Variants in PRKN observed in about 807,000 individuals in gnomAD.
The protein encoded by PRKN is E3 ubiquitin-protein ligase parkin.
In PRKN, 56 loss-of-function variants were observed where a neutral mutation model predicts 59.5. The observed-to-expected ratio is 0.94, with a 90% CI of 0.76 to 1.18. The LOEUF is 1.18. PRKN is among the 50% of genes most tolerant of loss of function. PRKN has a pLI of 0.00. For synonymous variants in PRKN, 250 were observed against 222.1 expected, an observed-to-expected ratio of 1.13 and a Z score of -1.12; for missense variants, 657 against 596.4, an observed-to-expected ratio of 1.10 and a Z score of -1.06.
chr6:162,377,350 G>A (rs762746637), intron 2 of PRKN, among the ~76,000 whole-genome samples: 1 of 152,154 alleles, frequency 6.6e-6, no homozygotes, highest in Non-Finnish European at 1.5e-5. Context: ...CACTTCAGAG[G>A]ACTGGCCAAG....
At chr6:162,086,970 A>G (rs937179587) in intron 4 of PRKN, among the ~76,000 whole-genome samples, 2 of 152,238 alleles carry the variant, frequency 1.3e-5, no homozygotes, top group African/African-American at 4.8e-5. Flanking sequence ...TAATACAAAT[A>G]TGAAAATACA....
chr6:162,267,002 A>G (rs923261300), intron 2 of PRKN, among the ~76,000 whole-genome samples: 16 of 152,156 alleles, frequency 1.1e-4, no homozygotes, highest in African/African-American at 3.9e-4. Flanking sequence ...AATAATTCCT[A>G]TATCACCATA....
At chr6:162,656,416 C>T (rs536138892) in intron 1 of PRKN, among the ~76,000 whole-genome samples, 73 of 152,314 alleles carry the variant, frequency 4.8e-4, no homozygotes, top group African/African-American at 1.7e-3. Flanking sequence ...ATCTCATCTT[C>T]TCCCAGAAAT....
At chr6:162,546,100 G>GTTT (rs11396761) in intron 1 of PRKN, among the ~76,000 whole-genome samples, 1,770 of 116,598 alleles carry the variant, frequency 0.015, 111 homozygotes, top group African/African-American at 0.042. Flanking sequence ...AGTGTATGCA[G>GTTT]TTTTTTTTTT....
intron 6 of PRKN, among the ~76,000 whole-genome samples, chr6:161,849,856 C>T (rs1793352596): frequency 6.6e-6 from 1 of 152,150 alleles, no homozygotes; most frequent in Non-Finnish European, 1.5e-5. Flanking sequence ...CAGTCCAGAC[C>T]TCTGTCAATT....
chr6:161,768,988 T>C (rs1789546708), intron 7 of PRKN, among the ~76,000 whole-genome samples: 1 of 152,226 alleles, frequency 6.6e-6, no homozygotes, highest in Admixed American at 6.5e-5. Flanking sequence ...GCAATAGATC[T>C]AATATAAGAA....
At chr6:161,491,408 G>C (rs1296972760) in intron 9 of PRKN, among the ~76,000 whole-genome samples, 1 of 152,138 alleles carries the variant, frequency 6.6e-6, no homozygotes, top group African/African-American at 2.4e-5. Flanking sequence ...TCGTTTGTTG[G>C]GTTGTTCTTG....
intron 3 of PRKN, among the ~76,000 whole-genome samples, chr6:162,205,450 T>G (rs1358139253): frequency 6.6e-6 from 1 of 152,068 alleles, no homozygotes; most frequent in African/African-American, 2.4e-5. Flanking sequence ...AATGGAAACT[T>G]TTCATTAACC....
At position 162,338,904 on chromosome 6, in the gene PRKN, G is replaced by A. The variant is rs1280953595; in HGVS notation, c.172-76139C>T. Reference sequence around the variant, plus strand: ...ATGTGGGGAGCGCCTCTGCCCCGCCGCCCCATCTGGGATGTGAGGAGCGCC... The same window carrying A: ...ATGTGGGGAGCGCCTCTGCCCCGCCACCCCATCTGGGATGTGAGGAGCGCC... On this transcript the variant is annotated intron_variant, in intron 2 of 11. Transcript: ENST00000366898. Among the ~76,000 whole-genome samples the A allele has an allele frequency of 3.7e-4, 52 of 139,922 alleles. No homozygotes were observed. In the South Asian group the frequency reaches 8.9e-3, roughly 24 times the overall value. The allele number at this position is 139,922 out of a possible 152,430, so 91.8% of individuals were successfully genotyped here.
At chr6:161,392,843 T>C (rs1786575577) in intron 9 of PRKN, among the ~76,000 whole-genome samples, 1 of 152,146 alleles carries the variant, frequency 6.6e-6, no homozygotes, top group Admixed American at 6.5e-5. Flanking sequence ...AGCTAAACTA[T>C]TCTTAACATT....
intron 6 of PRKN, among the ~76,000 whole-genome samples, chr6:161,904,814 G>A (rs1006529716): frequency 1.3e-5 from 2 of 152,080 alleles, no homozygotes; most frequent in African/African-American, 2.4e-5. Flanking sequence ...TGCAGAGGCC[G>A]AGCTGCAGAG....
At chr6:162,653,725 T>G (rs534824669) in intron 1 of PRKN, among the ~76,000 whole-genome samples, 144 of 152,276 alleles carry the variant, frequency 9.5e-4, no homozygotes, top group Non-Finnish European at 1.6e-3. Context: ...ACTGTGAGAA[T>G]AGCAGAGGAA....
intron 7 of PRKN, among the ~76,000 whole-genome samples, chr6:161,740,508 G>A (rs1788142786): frequency 6.6e-6 from 1 of 152,162 alleles, no homozygotes; most frequent in African/African-American, 2.4e-5. Flanking sequence ...ATATGCCTCT[G>A]GGCCAGCACT....
At chr6:162,267,913 G>C (rs1239349607) in intron 2 of PRKN, among the ~76,000 whole-genome samples, 3 of 152,030 alleles carry the variant, frequency 2.0e-5, no homozygotes, top group Non-Finnish European at 4.4e-5. Context: ...TCCTTCAACG[G>C]CACATAGTTA....
chr6:162,206,062 C>G (rs1784924119), intron 3 of PRKN, among the ~76,000 whole-genome samples: 1 of 152,088 alleles, frequency 6.6e-6, no homozygotes, highest in African/African-American at 2.4e-5. Flanking sequence ...TTACTCGTGG[C>G]ACTGGGGTAG....
chr6:161,504,149 T>C (rs1778061685), intron 9 of PRKN, among the ~76,000 whole-genome samples: 1 of 152,212 alleles, frequency 6.6e-6, no homozygotes, highest in Admixed American at 6.5e-5. Flanking sequence ...ATTCAATAAC[T>C]TAGAGGCTTG....
chr6:162,140,280 A>ATAAT (rs1033334555), intron 4 of PRKN, among the ~76,000 whole-genome samples: 1 of 152,156 alleles, frequency 6.6e-6, no homozygotes, highest in African/African-American at 2.4e-5. Context: ...GCTTTTCATG[A>ATAAT]TAATTTAGAA....
chr6:162,168,710 G>A (rs1783109938), intron 4 of PRKN, among the ~76,000 whole-genome samples: 2 of 151,766 alleles, frequency 1.3e-5, no homozygotes, highest in African/African-American at 4.8e-5. Context: ...CTCCATTATC[G>A]CTATTTATGT....
chr6:162,336,953 A>G (rs1351406504), intron 2 of PRKN, among the ~76,000 whole-genome samples: 2 of 152,132 alleles, frequency 1.3e-5, no homozygotes, highest in East Asian at 3.9e-4. Flanking sequence ...ATATCCCTGG[A>G]TTTTCTGGCT....
Sources: allele counts gnomAD v4.1 joint callset (sites outside exome capture counted in the v4.1 genomes callset), GRCh38; gene constraint gnomAD v4.1.1; transcripts MANE v1.5; gene names NCBI Gene and HGNC (gene_info 2026-07-23, HGNC 2026-07-21).